NEURL1: variants seen among roughly 807,000 people sequenced by gnomAD.
NEURL1 encodes the protein neuralized E3 ubiquitin protein ligase 1, also known as E3 ubiquitin-protein ligase NEURL1.
Under a neutral mutation model 41.2 loss-of-function variants are expected in NEURL1, and 26 were observed. The ratio of observed to expected loss-of-function variants is 0.63; its 90% CI spans 0.46 to 0.87. The LOEUF is 0.87. NEURL1 is among the 40% of genes least tolerant of loss of function. NEURL1 has a pLI of 0.00. For missense variants in NEURL1, 761 were observed against 871.1 expected, an observed-to-expected ratio of 0.87 and a Z score of 1.59; for synonymous variants, 400 against 402.3, an observed-to-expected ratio of 0.99 and a Z score of 0.07.
chr10:103,578,309 G>C (rs1347296781), intron 3 of NEURL1, among the ~76,000 whole-genome samples: 17 of 152,320 alleles, frequency 1.1e-4, no homozygotes, highest in Non-Finnish European at 4.4e-5. Context: ...GGCCAAAAAA[G>C]CCAACCCCTC....
intron 3 of NEURL1, among the ~76,000 whole-genome samples, chr10:103,573,975 C>A (rs2035603370): frequency 6.6e-6 from 1 of 152,224 alleles, no homozygotes. Context: ...ACGTCCACTT[C>A]CCTGCAAGAT....
chr10:103,572,286 G>A (rs758953870), intron 3 of NEURL1, among the ~76,000 whole-genome samples: 10 of 152,230 alleles, frequency 6.6e-5, no homozygotes, highest in Non-Finnish European at 1.5e-4. Flanking sequence ...AGCCATGGCC[G>A]TTGAGGGGTA....
At chr10:103,559,929 A>C in intron 1 of NEURL1, among the ~76,000 whole-genome samples, 1 of 150,014 alleles carries the variant, frequency 6.7e-6, no homozygotes, top group South Asian at 2.1e-4. Flanking sequence ...GCACACACAT[A>C]TTACACACAT....
intron 1 of NEURL1, among the ~76,000 whole-genome samples, chr10:103,569,657 G>A (rs1376854289): frequency 6.6e-6 from 1 of 152,198 alleles, no homozygotes; most frequent in Non-Finnish European, 1.5e-5. Context: ...CAGACTGTCT[G>A]GGGCTCTTCT....
In NEURL1 at chr10:103,494,433, C is replaced by G. The variant is rs1051177271; in HGVS notation, c.46C>G (p.Pro16Ala). 3 of 1,598,714 alleles carry G rather than the reference C, an allele frequency of 1.9e-6. No homozygotes were observed. The highest frequency in any genetic ancestry group is 1.7e-6 in the Non-Finnish European group (2 of 1,173,094). Residue 16 changes from proline to alanine, a missense_variant, in exon 1 of 6, where the codon CCG (proline) becomes GCG (alanine). By Grantham distance (27) the Pro-to-Ala change is conservative (BLOSUM62 -1). Transcript: ENST00000369780. ...SSIPSLPRGN[P>A]SRAPRGHPQN... is the part of the protein sequence containing the mutation. ...TATCCCCTCGCTGCCCCGAGGAAACCCGAGCCGCGCGCCGCGGGGCCACCC... is the reference window on the plus strand; with the variant it reads ...TATCCCCTCGCTGCCCCGAGGAAACGCGAGCCGCGCGCCGCGGGGCCACCC...
At chr10:103,494,625 C>A in intron 1 of NEURL1, 153 bp downstream of exon 1, 3 of 660,944 alleles carry the variant, frequency 4.5e-6, no homozygotes, top group Non-Finnish European at 7.4e-6. Context: ...GGGTGGAGGG[C>A]AGCCGGCGAT....
At chr10:103,571,137 C>A in intron 2 of NEURL1, 24 bp downstream of exon 2, 1 of 1,606,624 alleles carries the variant, frequency 6.2e-7, no homozygotes, top group Non-Finnish European at 8.5e-7. Context: ...CTGCCCCCGC[C>A]CCCGCCTCCT....
chr10:103,527,708 G>A (rs2034489797), intron 1 of NEURL1, among the ~76,000 whole-genome samples: 1 of 152,164 alleles, frequency 6.6e-6, no homozygotes, highest in Non-Finnish European at 1.5e-5. Flanking sequence ...GCATATCTCA[G>A]TCTCATTTTA....
chr10:103,565,826 GT>G (rs914306594), intron 1 of NEURL1, among the ~76,000 whole-genome samples: 1 of 151,866 alleles, frequency 6.6e-6, no homozygotes. Flanking sequence ...AAGTTTTGTA[GT>G]TTTTTTGTAG....
intron 1 of NEURL1, among the ~76,000 whole-genome samples, chr10:103,559,028 C>T (rs2035223728): frequency 6.6e-6 from 1 of 152,036 alleles, no homozygotes; most frequent in African/African-American, 2.4e-5. Flanking sequence ...ATGCTGTGGC[C>T]AGGAAAGGGA....
chr10:103,542,272 G>T (rs561177437), intron 1 of NEURL1, among the ~76,000 whole-genome samples: 3 of 152,000 alleles, frequency 2.0e-5, no homozygotes, highest in African/African-American at 4.8e-5. Flanking sequence ...TTTGTTTTTG[G>T]TTTTTTTGAG....
intron 1 of NEURL1, among the ~76,000 whole-genome samples, chr10:103,559,156 C>T (rs528986588): frequency 3.5e-4 from 53 of 152,286 alleles, no homozygotes; most frequent in Admixed American, 6.5e-4. Flanking sequence ...CAGGCAGCAG[C>T]GGAGAAGGCA....
chr10:103,564,284 C>T (rs796677205), intron 1 of NEURL1, among the ~76,000 whole-genome samples: 3 of 152,290 alleles, frequency 2.0e-5, no homozygotes, highest in African/African-American at 7.2e-5. Flanking sequence ...AGCAGCCTCG[C>T]CTGAGGAGGG....
At chr10:103,499,674 G>T (rs915431529) in intron 1 of NEURL1, among the ~76,000 whole-genome samples, 1 of 151,766 alleles carries the variant, frequency 6.6e-6, no homozygotes, top group African/African-American at 2.4e-5. Flanking sequence ...TTGCCATGTT[G>T]CCCAGGATGG....
chr10:103,574,190 C>T (rs2035609314), intron 3 of NEURL1, among the ~76,000 whole-genome samples: 1 of 152,174 alleles, frequency 6.6e-6, no homozygotes, highest in Admixed American at 6.5e-5. Context: ...CAGCCCTGCC[C>T]ACAGATAACC....
At position 103,558,999 on chromosome 10, in the gene NEURL1, C is replaced by G. The variant is rs892727754; in HGVS notation, c.86-11873C>G. Among the ~76,000 whole-genome samples, 1 of 152,118 alleles carries G rather than the reference C, an allele frequency of 6.6e-6. No homozygotes were observed. On this transcript the variant is annotated intron_variant, in intron 1 of 5. Coordinates refer to ENST00000369780, the MANE Select transcript of NEURL1 (RefSeq NM_004210.5). The surrounding 1 kb of genome is among the most constrained non-coding windows in gnomAD (Gnocchi z 4.2). ...GGACCCGAGACATTGGCTCCCACCC[C>G]CTCCTGTCACAGAGGGAGATGCTGT...
chr10:103,555,401 A>AGCACTCTCCACGGTAAG (rs2035128598), intron 1 of NEURL1: 1 of 1,359,798 alleles, frequency 7.4e-7, no homozygotes, highest in Admixed American at 1.9e-5. Context: ...GATCACCCGG[A>AGCACTCTCCACGGTAAG]GCACTCTCCA....
chr10:103,534,669 C>A (rs1333571703), intron 1 of NEURL1, among the ~76,000 whole-genome samples: 1 of 152,132 alleles, frequency 6.6e-6, no homozygotes. Flanking sequence ...AAGACTTAGC[C>A]AAGGGTATCT....
intron 1 of NEURL1, among the ~76,000 whole-genome samples, chr10:103,525,441 C>G (rs1309255678): frequency 6.6e-6 from 1 of 151,348 alleles, no homozygotes; most frequent in Non-Finnish European, 1.5e-5. Flanking sequence ...ACAACCTCCT[C>G]CTCCTGGGTT....
Sources: allele counts gnomAD v4.1 joint callset (sites outside exome capture counted in the v4.1 genomes callset), GRCh38; gene constraint gnomAD v4.1.1; non-coding constraint Gnocchi (gnomAD v3.1); transcripts MANE v1.5; gene names NCBI Gene and HGNC (gene_info 2026-07-23, HGNC 2026-07-21).